BABAM2: variants seen among roughly 807,000 people sequenced by gnomAD.
BABAM2 encodes BRISC and BRCA1-A complex member 2.
Under a neutral mutation model 54.7 loss-of-function variants are expected in BABAM2, and 31 were observed. The ratio of observed to expected loss-of-function variants is 0.57; its 90% confidence interval spans 0.43 to 0.77. The LOEUF (loss-of-function observed/expected upper bound fraction) is 0.77, where lower values mean the gene tolerates loss of function less well. Among genes scored for constraint, BABAM2 ranks in the 30% least tolerant of loss-of-function variants. BABAM2 has a pLI of 0.00. For missense variants in BABAM2, 364 were observed against 455.8 expected (o/e 0.80, Z 1.83); for synonymous variants, 167 against 162.9 (o/e 1.03, Z -0.19).
chr2:28,115,984 G>A (rs1668580155), intron 6 of BABAM2, among the ~76,000 whole-genome samples: 1 of 151,878 alleles, frequency 6.6e-6, no homozygotes, highest in African/African-American at 2.4e-5. Context: ...GCATGGTGGT[G>A]TATGCCTGTA....
At chr2:27,936,898 T>C (rs1266996958) in intron 3 of BABAM2, among the ~76,000 whole-genome samples, 1 of 152,166 alleles carries the variant, frequency 6.6e-6, no homozygotes, top group East Asian at 1.9e-4. Context: ...TGTATACATA[T>C]GTAACTAACC....
chr2:28,129,370 C>A lies in BABAM2; in HGVS notation c.670C>A (p.Arg224=). ...QVYPKLYLSP[R]IEHALGGSSA... is the part of the protein sequence containing the mutation. The stretch of plus-strand genomic sequence containing the variant: ...GTACCCCAAGCTGTACTTGTCACCT[C>A]GAATTGAGCAGTAAGTGTCATTAAC... The change falls in exon 7 of 12, where the codon CGA becomes AGA. Residue 224 remains arginine (R), a synonymous_variant. Transcript: ENST00000379624. 1 of 1,612,506 alleles carries A rather than the reference C, an allele frequency of 6.2e-7. No homozygotes were observed. The highest frequency in any genetic ancestry group is 8.5e-7 in the Non-Finnish European group (1 of 1,178,506).
At chr2:27,897,595 T>G (rs1665439076) in intron 2 of BABAM2, among the ~76,000 whole-genome samples, 1 of 152,068 alleles carries the variant, frequency 6.6e-6, no homozygotes, top group Non-Finnish European at 1.5e-5. Context: ...ATAAATCAAC[T>G]CTCATCCTTA....
intron 11 of BABAM2, among the ~76,000 whole-genome samples, chr2:28,333,966 T>TA (rs767159462): frequency 2.6e-5 from 4 of 152,248 alleles, no homozygotes; most frequent in East Asian, 1.9e-4. Flanking sequence ...AACAGCGTTT[T>TA]AAAAAATCTA....
intron 4 of BABAM2, among the ~76,000 whole-genome samples, chr2:28,009,167 TC>T (rs1474643492): frequency 6.6e-6 from 1 of 152,068 alleles, no homozygotes; most frequent in East Asian, 1.9e-4. Flanking sequence ...TGAACCTGAC[TC>T]CAAAATCATG....
At chr2:27,946,395 T>C (rs1015857030) in intron 3 of BABAM2, among the ~76,000 whole-genome samples, 4 of 152,196 alleles carry the variant, frequency 2.6e-5, no homozygotes, top group African/African-American at 4.8e-5. Context: ...CTGGAGTTGA[T>C]TCACTCATGT....
intron 4 of BABAM2, chr2:28,015,805 C>T: frequency 9.9e-7 from 1 of 1,008,528 alleles, no homozygotes; most frequent in Admixed American, 2.6e-5. Flanking sequence ...CTGTTTTTCT[C>T]ATGCTTCTTT....
intron 11 of BABAM2, chr2:28,327,201 G>A: frequency 1.3e-6 from 2 of 1,491,976 alleles, no homozygotes; most frequent in South Asian, 2.7e-5. Flanking sequence ...AGCCCATTAG[G>A]ACTACCCTGT....
chr2:27,990,216 C>T (rs1283760942), intron 4 of BABAM2, among the ~76,000 whole-genome samples: 1 of 152,298 alleles, frequency 6.6e-6, no homozygotes, highest in African/African-American at 2.4e-5. Context: ...GCATACCCTC[C>T]ACTAGTTGGG....
At chr2:28,063,149 A>G (rs1170785088) in intron 6 of BABAM2, among the ~76,000 whole-genome samples, 1 of 152,184 alleles carries the variant, frequency 6.6e-6, no homozygotes, top group Non-Finnish European at 1.5e-5. Flanking sequence ...TTCCTAGGAC[A>G]TTTACAAACT....
chr2:28,216,202 ATTAT>A (rs574479299), intron 7 of BABAM2, among the ~76,000 whole-genome samples: 1 of 152,182 alleles, frequency 6.6e-6, no homozygotes, highest in Non-Finnish European at 1.5e-5. Flanking sequence ...ACTTATTTCT[ATTAT>A]TTTCTCAGTG....
intron 6 of BABAM2, among the ~76,000 whole-genome samples, chr2:28,106,133 A>G (rs764717276): frequency 5.9e-5 from 9 of 152,156 alleles, no homozygotes; most frequent in Non-Finnish European, 1.3e-4. Context: ...ATTCTCTTAC[A>G]TATTAATAAT....
At chr2:28,050,994 G>A (rs1319211196) in intron 6 of BABAM2, among the ~76,000 whole-genome samples, 2 of 152,222 alleles carry the variant, frequency 1.3e-5, no homozygotes, top group Non-Finnish European at 2.9e-5. Flanking sequence ...TGAATGCTGG[G>A]AGATTGATTT....
At chr2:28,128,520 C>A (rs1463059453) in intron 6 of BABAM2, among the ~76,000 whole-genome samples, 3 of 152,180 alleles carry the variant, frequency 2.0e-5, no homozygotes, top group Non-Finnish European at 4.4e-5. Context: ...GTATCATCAG[C>A]GTTGGCTTGA....
At chr2:28,039,274 G>A (rs1313579643) in intron 5 of BABAM2, among the ~76,000 whole-genome samples, 1 of 152,106 alleles carries the variant, frequency 6.6e-6, no homozygotes, top group Non-Finnish European at 1.5e-5. Flanking sequence ...ACTGTTCTAG[G>A]CCTCAGTTTT....
At chr2:28,287,517 G>A (rs2148212427) in intron 10 of BABAM2, among the ~76,000 whole-genome samples, 1 of 152,292 alleles carries the variant, frequency 6.6e-6, no homozygotes, top group Non-Finnish European at 1.5e-5. Flanking sequence ...CCTACCGTGT[G>A]TCTAACCCAG....
At chr2:28,179,306 C>A (rs1278552689) in intron 7 of BABAM2, among the ~76,000 whole-genome samples, 1 of 152,092 alleles carries the variant, frequency 6.6e-6, no homozygotes, top group African/African-American at 2.4e-5. Context: ...GGATTTATCC[C>A]AGAGATGCAA....
At chr2:27,890,578 C>T (rs1047836648), upstream of BABAM2, 3 of 501,794 alleles carry the variant, frequency 6.0e-6, no homozygotes, top group Middle Eastern at 5.2e-4. The surrounding 1 kb of genome is among the most constrained non-coding windows in gnomAD (Gnocchi z 4.8). Flanking sequence ...GGCGAGACTC[C>T]GCGCTCCTCG....
Position 28,241,304 on chromosome 2 carries a change from C to T in BABAM2, c.781-19C>T. 6.2e-7 allele frequency: 1 copy of T among 1,609,602 alleles called. No individual in the cohort carries two copies. The highest frequency in any genetic ancestry group is 8.5e-7 in the Non-Finnish European group (1 of 1,175,952). On this transcript the variant is annotated intron_variant, in intron 8 of 11. Coordinates refer to ENST00000379624, the MANE Select transcript of BABAM2 (RefSeq NM_199191.3). ...AAAAGATTCCCACTCTACTTCTCAG[C>T]TTTGGGTTTCTATTCCAGGTGCAGT...
Sources: allele counts gnomAD v4.1 joint callset (sites outside exome capture counted in the v4.1 genomes callset), GRCh38; gene constraint gnomAD v4.1.1; non-coding constraint Gnocchi (gnomAD v3.1); transcripts MANE v1.5; gene names NCBI Gene and HGNC (gene_info 2026-07-23, HGNC 2026-07-21).